NBEA: variants seen among roughly 807,000 people sequenced by gnomAD.
NBEA encodes neurobeachin.
NBEA carries 44 observed loss-of-function variants against 343.4 expected under a neutral mutation model. The observed-to-expected ratio is 0.13, with a 90% CI of 0.10 to 0.16. NBEA has a LOEUF of 0.16. Ranked by LOEUF, NBEA falls within the 10% of genes least tolerant of loss-of-function variation. NBEA has a pLI of 1.00. For missense variants in NBEA, 2,555 were observed against 3,631.3 expected, an observed-to-expected ratio of 0.70 and a Z score of 7.62; for synonymous variants, 1,175 against 1,238.7, an observed-to-expected ratio of 0.95 and a Z score of 1.08.
intron 34 of NBEA, chr13:35,251,407 A>G (rs1022271441): frequency 6.6e-6 from 7 of 1,053,958 alleles, no homozygotes; most frequent in Non-Finnish European, 6.9e-6. Context: ...CTGTCACTAC[A>G]GAGATCCTCG....
intron 1 of NBEA, among the ~76,000 whole-genome samples, chr13:35,001,502 G>A (rs1196140379): frequency 2.6e-5 from 4 of 152,032 alleles, no homozygotes; most frequent in Admixed American, 1.3e-4. Flanking sequence ...AAAAACAAGT[G>A]GAATCCTGTC....
intron 36 of NBEA, among the ~76,000 whole-genome samples, chr13:35,327,729 C>T (rs1305285724): frequency 1.3e-5 from 2 of 151,740 alleles, no homozygotes; most frequent in Non-Finnish European, 2.9e-5. Context: ...CAACATCATG[C>T]AATATACCCA....
intron 41 of NBEA, among the ~76,000 whole-genome samples, chr13:35,529,356 A>G (rs1488744972): frequency 6.6e-6 from 1 of 152,230 alleles, no homozygotes; most frequent in Non-Finnish European, 1.5e-5. Context: ...TATTTTTAGA[A>G]ATCAAAATGA....
chr13:35,198,579 T>C (rs947327201), intron 31 of NBEA, among the ~76,000 whole-genome samples: 1 of 152,184 alleles, frequency 6.6e-6, no homozygotes, highest in African/African-American at 2.4e-5. Context: ...TTTATGTTCC[T>C]ATAGCATTTG....
At chr13:35,046,980 G>A (rs1308568552) in intron 4 of NBEA, among the ~76,000 whole-genome samples, 3 of 151,874 alleles carry the variant, frequency 2.0e-5, no homozygotes, top group East Asian at 1.9e-4. Flanking sequence ...AAAAAATTCG[G>A]TTGTTTTTCT....
chr13:35,121,690 GAAAA>G (rs1172564395), intron 16 of NBEA, among the ~76,000 whole-genome samples: 1 of 151,466 alleles, frequency 6.6e-6, no homozygotes, highest in Non-Finnish European at 1.5e-5. Flanking sequence ...AAGCATAAAA[GAAAA>G]AAAGAGAAAA....
intron 39 of NBEA, among the ~76,000 whole-genome samples, chr13:35,447,951 CCT>C (rs1185150345): frequency 2.0e-5 from 3 of 152,044 alleles, no homozygotes; most frequent in African/African-American, 7.2e-5. Context: ...CCTCTTTTTG[CCT>C]GTAATTTTGA....
chr13:35,140,939 T>C (rs1178434418), intron 17 of NBEA, among the ~76,000 whole-genome samples: 1 of 152,212 alleles, frequency 6.6e-6, no homozygotes, highest in Non-Finnish European at 1.5e-5. Flanking sequence ...AGCTCCATTG[T>C]CTTCCTTCTG....
At chr13:35,620,492 C>T (rs1295195258) in intron 48 of NBEA, among the ~76,000 whole-genome samples, 1 of 152,112 alleles carries the variant, frequency 6.6e-6, no homozygotes, top group Non-Finnish European at 1.5e-5. Context: ...CAAGTGGGCA[C>T]ACAGTAGGAC....
At chr13:35,037,781 C>T (rs1202666350) in intron 1 of NBEA, among the ~76,000 whole-genome samples, 3 of 152,156 alleles carry the variant, frequency 2.0e-5, no homozygotes, top group Non-Finnish European at 4.4e-5. Context: ...CATGGCTGTG[C>T]TGGGTCACAC....
In NBEA at chr13:35,139,057, C is replaced by CTTTTTTTTTTT. The variant is rs36053692; in HGVS notation, c.2337-3201_2337-3191dup. Among the ~76,000 whole-genome samples the CTTTTTTTTTTT allele has an allele frequency of 2.0e-5, 2 of 97,888 alleles. 1 individual carries two copies. Among genetic ancestry groups the CTTTTTTTTTTT allele is most frequent in the African/African-American group, 8.5e-5 (2 of 23,538 alleles). The allele number at this position is 97,888 out of a possible 152,430, so 64.2% of individuals were successfully genotyped here. A position where few individuals can be genotyped will look rare whatever the true frequency, so the allele number is the denominator to read the frequency against. On this transcript the variant is annotated intron_variant, in intron 17 of 58. Transcript: ENST00000379939. ...ACTCTGAATTTGTTACAAGAAATAT[C>CTTTTTTTTTTT]TTTTTTTTTTTTTTTTTTTTTGAGA...
chr13:35,006,435 G>T (rs1367490189), intron 1 of NBEA, among the ~76,000 whole-genome samples: 1 of 151,518 alleles, frequency 6.6e-6, no homozygotes, highest in African/African-American at 2.4e-5. Flanking sequence ...CAGTGCTATT[G>T]TTTTTGATAT....
At chr13:35,387,866 T>C (rs1469926311) in intron 38 of NBEA, among the ~76,000 whole-genome samples, 2 of 152,142 alleles carry the variant, frequency 1.3e-5, no homozygotes, top group Non-Finnish European at 2.9e-5. Flanking sequence ...TACTTTGTGG[T>C]GAAATGAACC....
chr13:35,582,243 G>A (rs541528960), intron 45 of NBEA, among the ~76,000 whole-genome samples: 13 of 152,118 alleles, frequency 8.5e-5, no homozygotes, highest in Admixed American at 3.3e-4. Context: ...CCCAGATCGC[G>A]CCACTGCACT....
At chr13:35,587,396 A>G (rs2081337729) in intron 46 of NBEA, among the ~76,000 whole-genome samples, 1 of 151,984 alleles carries the variant, frequency 6.6e-6, no homozygotes, top group Non-Finnish European at 1.5e-5. Flanking sequence ...GAAACTAGAG[A>G]TTTTCACCCT....
intron 34 of NBEA, among the ~76,000 whole-genome samples, chr13:35,244,506 C>T (rs1313275928): frequency 6.6e-6 from 1 of 151,822 alleles, no homozygotes; most frequent in Non-Finnish European, 1.5e-5. Context: ...ATGCTGTTTT[C>T]GTGACTATGG....
At chr13:34,958,324 G>T (rs974077123) in intron 1 of NBEA, among the ~76,000 whole-genome samples, 15 of 151,988 alleles carry the variant, frequency 9.9e-5, no homozygotes, top group African/African-American at 3.6e-4. Flanking sequence ...ATAGTCACTT[G>T]TCCTTTATCT....
intron 10 of NBEA, among the ~76,000 whole-genome samples, chr13:35,084,217 C>G (rs927934783): frequency 6.6e-6 from 1 of 152,094 alleles, no homozygotes. Flanking sequence ...AGCTCTGCAC[C>G]AAGCGGACCT....
intron 36 of NBEA, among the ~76,000 whole-genome samples, chr13:35,336,893 G>T (rs2039295198): frequency 6.6e-6 from 1 of 151,986 alleles, no homozygotes; most frequent in Non-Finnish European, 1.5e-5. Flanking sequence ...TAAAGGAGAG[G>T]ATCAGAAAAC....
Sources: gnomAD v4.1 joint callset for allele counts (sites outside exome capture counted in the v4.1 genomes callset) on GRCh38, gnomAD v4.1.1 for gene constraint, MANE v1.5 for transcripts, NCBI Gene and HGNC (gene_info 2026-07-23, HGNC 2026-07-21) for gene names.